THTPA: variants seen among roughly 807,000 people sequenced by gnomAD.
THTPA encodes the protein thiamine-triphosphatase.
In THTPA, 16 loss-of-function variants were observed where a neutral mutation model predicts 16.5. The ratio of observed to expected loss-of-function variants is 0.97; its 90% confidence interval spans 0.66 to 1.47. The LOEUF is 1.47. THTPA is among the 40% of genes most tolerant of loss of function. The probability of loss-of-function intolerance (pLI) is 0.00; values close to 1 mark genes in which losing one functional copy is unlikely to be tolerated. For synonymous variants in THTPA, 110 were observed against 115.5 expected, an observed-to-expected ratio of 0.95 and a Z score of 0.30; for missense variants, 281 against 280.9, an observed-to-expected ratio of 1.00 and a Z score of 0.00.
chr14:23,535,880 C>T, the THTPA span, among the ~76,000 whole-genome samples: 1 of 152,238 alleles, frequency 6.6e-6, no homozygotes, highest in African/African-American at 2.4e-5. The surrounding 1 kb of genome is among the most constrained non-coding windows in gnomAD (Gnocchi z 4.5). Flanking sequence ...GCGTGAGCCA[C>T]CGCGCCCAGC....
the THTPA span, chr14:23,522,133 G>A: frequency 2.9e-5 from 45 of 1,528,006 alleles, no homozygotes; most frequent in Non-Finnish European, 3.9e-5. Context: ...TGTGGGCCGA[G>A]GAGCGCAGGT....
chr14:23,526,243 C>T, the THTPA span: 4 of 1,536,200 alleles, frequency 2.6e-6, no homozygotes, highest in Non-Finnish European at 3.5e-6. Context: ...GGGCACCGGC[C>T]TCTCCCCGTG....
the THTPA span, among the ~76,000 whole-genome samples, chr14:23,519,456 G>A: frequency 6.6e-6 from 1 of 152,146 alleles, no homozygotes; most frequent in Non-Finnish European, 1.5e-5. Flanking sequence ...AGAGAGAAAA[G>A]GACAGGGAGA....
At chr14:23,542,370 A>G in the THTPA span, 2 of 152,082 alleles carry the variant, frequency 1.3e-5, no homozygotes, top group Non-Finnish European at 2.9e-5. Flanking sequence ...GAAACCACAC[A>G]CGTTCACATT....
the THTPA span, chr14:23,521,415 A>G: frequency 6.5e-6 from 1 of 153,066 alleles, no homozygotes; most frequent in Non-Finnish European, 1.5e-5. Flanking sequence ...TGCTCTAGAC[A>G]AAGGGTTAGG....
chr14:23,524,955 C>T, the THTPA span: 28 of 1,536,286 alleles, frequency 1.8e-5, no homozygotes, highest in Admixed American at 1.8e-4. The surrounding 1 kb of genome is among the most constrained non-coding windows in gnomAD (Gnocchi z 5.6). Flanking sequence ...GTGCCTCCTC[C>T]GGTTGGCATG....
the THTPA span, chr14:23,528,891 G>A: frequency 6.6e-3 from 6,239 of 944,364 alleles, 47 homozygotes; most frequent in South Asian, 0.029. Flanking sequence ...ACAGGCCTGT[G>A]TGTCAGGGAG....
At chr14:23,526,363 G>A in the THTPA span, 1 of 1,536,390 alleles carries the variant, frequency 6.5e-7, no homozygotes, top group South Asian at 1.2e-5. Context: ...TACACACAGT[G>A]CACTTATAGG....
chr14:23,527,017 T>C, the THTPA span: 16 of 1,462,366 alleles, frequency 1.1e-5, no homozygotes, highest in African/African-American at 4.2e-5. Flanking sequence ...CACCCCCCAC[T>C]GCCCCTATGC....
chr14:23,526,088 A>G, the THTPA span: 9 of 1,536,334 alleles, frequency 5.9e-6, no homozygotes, highest in South Asian at 3.6e-5. Flanking sequence ...TGGCCCTTCA[A>G]TCTTGGAATC....
the THTPA span, chr14:23,532,599 C>A: frequency 6.9e-7 from 1 of 1,447,588 alleles, no homozygotes; most frequent in Non-Finnish European, 9.1e-7. Flanking sequence ...TCGTGGGCTG[C>A]ACCCCTGGCA....
the THTPA span, among the ~76,000 whole-genome samples, chr14:23,547,369 G>A: frequency 6.6e-6 from 1 of 152,210 alleles, no homozygotes; most frequent in South Asian, 2.1e-4. Context: ...ATACGGTTAT[G>A]ACCAATTCAA....
the THTPA span, among the ~76,000 whole-genome samples, chr14:23,541,955 A>C: frequency 6.6e-6 from 1 of 152,164 alleles, no homozygotes; most frequent in East Asian, 1.9e-4. Context: ...TACTTTGTGC[A>C]AATAAGTTTT....
chr14:23,522,000 G>T, the THTPA span: 1 of 1,536,368 alleles, frequency 6.5e-7, no homozygotes, highest in East Asian at 2.4e-5. Context: ...GTAGTTTTTG[G>T]GTTGGAGTCC....
At chr14:23,552,246 C>T (rs1224065943), upstream of THTPA, among the ~76,000 whole-genome samples, 3 of 151,752 alleles carry the variant, frequency 2.0e-5, no homozygotes, top group Admixed American at 6.6e-5. Flanking sequence ...GAGGTTCGGG[C>T]TCCTCCTCAT....
Position 23,558,946 on chromosome 14 carries a change from C to A in THTPA, c.*106C>A. 7.4e-7 allele frequency: 1 copy of A among 1,342,734 alleles called. No individual in the cohort carries two copies. The allele number at this position is 1,342,734 out of a possible 1,614,324, so 83.2% of individuals were successfully genotyped here. ...TGTCCCTTCTGACAGTGACTCCTCT[C>A]TCTCCAGCGCTGCCTGTTTCTTCCC... is the stretch of plus-strand genomic sequence containing the variant. On this transcript the variant is annotated 3_prime_UTR_variant, in exon 2 of 2. Transcript: ENST00000288014.
upstream of THTPA, chr14:23,555,929 T>G (rs539192011): frequency 6.6e-6 from 1 of 152,284 alleles, no homozygotes; most frequent in Non-Finnish European, 1.5e-5. Context: ...GCAGCTTTCC[T>G]GTCGCCATAG....
At chr14:23,531,861 T>C in the THTPA span, 1 of 1,128,826 alleles carries the variant, frequency 8.9e-7, no homozygotes, top group Non-Finnish European at 1.1e-6. Flanking sequence ...CACTGAAGCC[T>C]CTACCTCCTG....
the THTPA span, among the ~76,000 whole-genome samples, chr14:23,539,404 A>T: frequency 6.6e-6 from 1 of 152,166 alleles, no homozygotes; most frequent in Non-Finnish European, 1.5e-5. Context: ...ACACATTAGG[A>T]CCCAGAAAGC....
Sources: allele counts gnomAD v4.1 joint callset (sites outside exome capture counted in the v4.1 genomes callset), GRCh38; gene constraint gnomAD v4.1.1; non-coding constraint Gnocchi (gnomAD v3.1); transcripts MANE v1.5; gene names NCBI Gene and HGNC (gene_info 2026-07-23, HGNC 2026-07-21).